RGS22: variants seen among roughly 807,000 people sequenced by gnomAD.
RGS22 encodes the protein regulator of G protein signaling 22, also known as regulator of G-protein signaling 22.
In RGS22, 148 loss-of-function variants were observed where a neutral mutation model predicts 172.9. That is an observed-to-expected ratio of 0.86 (90% confidence interval 0.75 to 0.98). The LOEUF (loss-of-function observed/expected upper bound fraction) is 0.98, where lower values mean the gene tolerates loss of function less well. Among genes scored for constraint, RGS22 ranks in the 50% least tolerant of loss-of-function variants. The probability of loss-of-function intolerance (pLI) is 0.00; values close to 1 mark genes in which losing one functional copy is unlikely to be tolerated. For synonymous variants in RGS22, 458 were observed against 480.2 expected, an observed-to-expected ratio of 0.95 and a Z score of 0.60; for missense variants, 1,347 against 1,440.8, an observed-to-expected ratio of 0.93 and a Z score of 1.05.
chr8:99,979,489 T>C (rs1287934804), intron 22 of RGS22, among the ~76,000 whole-genome samples: 2 of 152,182 alleles, frequency 1.3e-5, no homozygotes, highest in African/African-American at 2.4e-5. Flanking sequence ...TTAATAAATA[T>C]AGAGCTACTT....
At chr8:99,986,319 G>T (rs568897429) in intron 21 of RGS22, among the ~76,000 whole-genome samples, 1 of 152,294 alleles carries the variant, frequency 6.6e-6, no homozygotes, top group African/African-American at 2.4e-5. Context: ...CAATTTTACT[G>T]TATGTTGGAA....
chr8:100,091,071 G>C (rs1449117882), intron 3 of RGS22, among the ~76,000 whole-genome samples: 1 of 152,026 alleles, frequency 6.6e-6, no homozygotes. Context: ...ACCCATACTG[G>C]CTTCTAATAT....
At chr8:100,062,364 C>T (rs1245986951) in intron 9 of RGS22, among the ~76,000 whole-genome samples, 2 of 151,174 alleles carry the variant, frequency 1.3e-5, no homozygotes, top group Non-Finnish European at 3.0e-5. Context: ...AAAGAATATG[C>T]TCACCAAAGT....
rs184715667 is a variant in RGS22, at chr8:100,017,950, C to T, written c.2167-9381G>A. 1.5e-3 allele frequency among the ~76,000 whole-genome samples: 225 copies of T among 152,274 alleles called. 2 individuals are homozygous for T. The highest frequency in any genetic ancestry group is 2.2e-3 in the Non-Finnish European group (147 of 68,028). Reference sequence around the variant, plus strand: ...TGATTCACATTCAAGCAGAGATTCACTCACACACAGCTGTGGCCAACATGA... The same window carrying T: ...TGATTCACATTCAAGCAGAGATTCATTCACACACAGCTGTGGCCAACATGA... On this transcript the variant is annotated intron_variant, in intron 14 of 27. Transcript: ENST00000360863.
chr8:100,061,054 A>G (rs977035626), intron 9 of RGS22, among the ~76,000 whole-genome samples: 39 of 152,164 alleles, frequency 2.6e-4, no homozygotes, highest in African/African-American at 9.4e-4. Flanking sequence ...CAACAAAAAC[A>G]AGCAATGGGG....
chr8:99,962,787 A>T lies in RGS22; in HGVS notation c.3710-20T>A. On this transcript the variant is annotated intron_variant, in intron 25 of 27. Transcript: ENST00000360863. Reference sequence around the variant, plus strand: ...GCAAGCCTGCACAAAAATAAAAGAGATAAGAAAAACAGTAAAGTAAATATT... The same window carrying T: ...GCAAGCCTGCACAAAAATAAAAGAGTTAAGAAAAACAGTAAAGTAAATATT... 6.3e-7 allele frequency: 1 copy of T among 1,593,230 alleles called. No individual in the cohort carries two copies. The highest frequency in any genetic ancestry group is 8.5e-7 in the Non-Finnish European group (1 of 1,172,046).
intron 8 of RGS22, 28 bp from the exon 9 acceptor site, chr8:100,062,780 C>T (rs1467589852): frequency 1.3e-6 from 2 of 1,520,878 alleles, no homozygotes; most frequent in Non-Finnish European, 1.8e-6. Context: ...TCCATATATA[C>T]ACACACACAT....
At chr8:100,105,189 CCTT>C (rs1813828483) in intron 2 of RGS22, among the ~76,000 whole-genome samples, 182 bp downstream of exon 2, 2 of 152,060 alleles carry the variant, frequency 1.3e-5, no homozygotes, top group Admixed American at 1.3e-4. Flanking sequence ...TTAATTGGCC[CCTT>C]CTTAAAATTA....
intron 21 of RGS22, among the ~76,000 whole-genome samples, chr8:99,986,292 C>T (rs1034006889): frequency 2.0e-5 from 3 of 151,996 alleles, no homozygotes; most frequent in Non-Finnish European, 4.4e-5. Context: ...CTGTTGATAA[C>T]AGAAAAGGGT....
In RGS22 at chr8:100,018,017, C is replaced by G. The variant is rs76567124; in HGVS notation, c.2167-9448G>C. Among the ~76,000 whole-genome samples, 869 of 152,178 alleles carry G rather than the reference C, an allele frequency of 5.7e-3. 9 individuals carry two copies. The highest frequency in any genetic ancestry group is 0.019 in the African/African-American group (799 of 41,520). ...AACCTATGATGCTTTAACAACCCAG[C>G]AGGAAAGTTTTTGAGAAGGGATACA... is the stretch of plus-strand genomic sequence containing the variant. On this transcript the variant is annotated intron_variant, in intron 14 of 27. Coordinates refer to ENST00000360863, the MANE Select transcript of RGS22 (RefSeq NM_015668.5).
At chr8:100,105,004 T>C (rs1254282588) in intron 2 of RGS22, among the ~76,000 whole-genome samples, 3 of 152,262 alleles carry the variant, frequency 2.0e-5, no homozygotes. Context: ...GACCACTCTT[T>C]ATCCATCAAC....
intron 14 of RGS22, among the ~76,000 whole-genome samples, chr8:100,033,064 AGGAAAGACC>A: frequency 6.6e-6 from 1 of 152,240 alleles, no homozygotes; most frequent in Non-Finnish European, 1.5e-5. Context: ...AAGAGAAAGC[AGGAAAGACC>A]TAAAATTGAC....
At chr8:99,965,844 C>T (rs148926384) in intron 23 of RGS22, among the ~76,000 whole-genome samples, 211 of 152,106 alleles carry the variant, frequency 1.4e-3, no homozygotes, top group African/African-American at 4.8e-3. Context: ...TTAAATCTGC[C>T]TTTTCATGTA....
intron 4 of RGS22, among the ~76,000 whole-genome samples, chr8:100,076,779 G>A (rs948131723): frequency 1.3e-5 from 2 of 152,184 alleles, no homozygotes; most frequent in Non-Finnish European, 2.9e-5. Flanking sequence ...GATCACTTGA[G>A]GCCAGGAGTT....
At chr8:100,099,821 G>A (rs1813319781) in intron 2 of RGS22, among the ~76,000 whole-genome samples, 1 of 152,152 alleles carries the variant, frequency 6.6e-6, no homozygotes, top group Non-Finnish European at 1.5e-5. Flanking sequence ...CCCTAGCTCT[G>A]CAACCTCTTA....
At chr8:100,005,413 C>A (rs1815586068) in intron 16 of RGS22, among the ~76,000 whole-genome samples, 2 of 152,084 alleles carry the variant, frequency 1.3e-5, no homozygotes, top group African/African-American at 4.8e-5. Flanking sequence ...ATCTTAAACA[C>A]TTTCCAGGTC....
At chr8:100,044,716 T>A (rs969614303) in intron 11 of RGS22, among the ~76,000 whole-genome samples, 3 of 151,832 alleles carry the variant, frequency 2.0e-5, no homozygotes, top group African/African-American at 7.3e-5. Context: ...ATAACTTAGT[T>A]CTCACTATAT....
chr8:100,091,687 G>A (rs775888543), intron 3 of RGS22, among the ~76,000 whole-genome samples: 1 of 152,062 alleles, frequency 6.6e-6, no homozygotes, highest in Non-Finnish European at 1.5e-5. Context: ...TTAAGAAACC[G>A]ACATTAGATC....
chr8:100,059,256 G>A (rs1326698566), intron 9 of RGS22, among the ~76,000 whole-genome samples: 2 of 151,896 alleles, frequency 1.3e-5, no homozygotes, highest in African/African-American at 4.8e-5. Flanking sequence ...AAAACAACCA[G>A]AAAACAACAA....
Sources: allele counts gnomAD v4.1 joint callset (sites outside exome capture counted in the v4.1 genomes callset), GRCh38; gene constraint gnomAD v4.1.1; transcripts MANE v1.5; gene names NCBI Gene and HGNC (gene_info 2026-07-23, HGNC 2026-07-21).